Variants in CADPS2 observed in about 807,000 individuals in gnomAD.
CADPS2 encodes the protein calcium-dependent secretion activator 2.
A neutral mutation model predicts 172.5 loss-of-function variants in CADPS2; 93 were observed. The ratio of observed to expected loss-of-function variants is 0.54; its 90% CI spans 0.46 to 0.64. The LOEUF (loss-of-function observed/expected upper bound fraction) is 0.64, where lower values mean the gene tolerates loss of function less well. CADPS2 is among the 30% of genes least tolerant of loss of function. The pLI is 0.00. For synonymous variants in CADPS2, 546 were observed against 555.2 expected, an observed-to-expected ratio of 0.98 and a Z score of 0.23; for missense variants, 1,420 against 1,565.9, an observed-to-expected ratio of 0.91 and a Z score of 1.57.
intron 8 of CADPS2, among the ~76,000 whole-genome samples, chr7:122,534,793 A>G (rs1307779936): frequency 2.0e-5 from 3 of 152,126 alleles, no homozygotes; most frequent in Non-Finnish European, 4.4e-5. Context: ...TCTTATTTCA[A>G]TGAAATCAAT....
At chr7:122,544,765 T>C (rs1303642178) in intron 8 of CADPS2, among the ~76,000 whole-genome samples, 3 of 152,152 alleles carry the variant, frequency 2.0e-5, no homozygotes, top group Admixed American at 6.5e-5. Flanking sequence ...GCAAGCCACA[T>C]AGCCAAACCC....
chr7:122,449,222 C>A (rs1046161548), intron 15 of CADPS2, among the ~76,000 whole-genome samples: 1 of 151,884 alleles, frequency 6.6e-6, no homozygotes, highest in African/African-American at 2.4e-5. Flanking sequence ...TGGGTCTCAA[C>A]GGTAGCAAAA....
chr7:122,631,682 A>G (rs2134222560), intron 3 of CADPS2, among the ~76,000 whole-genome samples: 1 of 139,266 alleles, frequency 7.2e-6, no homozygotes, highest in East Asian at 2.3e-4. Flanking sequence ...CTGGGACACT[A>G]CATTGTCTTT....
intron 1 of CADPS2, among the ~76,000 whole-genome samples, chr7:122,769,464 C>A (rs2093648790): frequency 6.6e-6 from 1 of 152,010 alleles, no homozygotes; most frequent in African/African-American, 2.4e-5. Context: ...AAATACGTCA[C>A]CTACATCCCC....
chr7:122,525,969 T>C (rs1323466400), intron 8 of CADPS2, among the ~76,000 whole-genome samples: 1 of 152,084 alleles, frequency 6.6e-6, no homozygotes. Flanking sequence ...ATATATGCCA[T>C]CAGTCATTGA....
intron 7 of CADPS2, among the ~76,000 whole-genome samples, chr7:122,556,985 T>C: frequency 6.6e-6 from 1 of 152,216 alleles, no homozygotes; most frequent in Non-Finnish European, 1.5e-5. Flanking sequence ...CTATCATATG[T>C]ATATCTAATT....
At chr7:122,460,761 T>C (rs1454838944) in intron 14 of CADPS2, among the ~76,000 whole-genome samples, 1 of 151,832 alleles carries the variant, frequency 6.6e-6, no homozygotes, top group Non-Finnish European at 1.5e-5. Flanking sequence ...GAAAAAGATA[T>C]TCAGAAGTAA....
intron 8 of CADPS2, among the ~76,000 whole-genome samples, chr7:122,524,843 G>A (rs974471979): frequency 5.3e-5 from 8 of 151,994 alleles, no homozygotes; most frequent in African/African-American, 1.2e-4. Context: ...TTTTTACTAC[G>A]TATCTATAAA....
At chr7:122,351,084 G>A (rs1462489027) in intron 27 of CADPS2, among the ~76,000 whole-genome samples, 3 of 151,824 alleles carry the variant, frequency 2.0e-5, no homozygotes, top group African/African-American at 7.3e-5. Context: ...TGTTATTCCA[G>A]ACTGGGCGTG....
intron 6 of CADPS2, among the ~76,000 whole-genome samples, chr7:122,589,573 G>C (rs2070406651): frequency 6.6e-6 from 1 of 151,894 alleles, no homozygotes; most frequent in Non-Finnish European, 1.5e-5. Context: ...CAAAGACTCA[G>C]TGAAAAATGA....
chr7:122,428,464 TATATA>T (rs2049440935), intron 17 of CADPS2, among the ~76,000 whole-genome samples: 1 of 129,996 alleles, frequency 7.7e-6, no homozygotes, highest in African/African-American at 3.1e-5. Flanking sequence ...TATATATATA[TATATA>T]TATTTTTTTT....
intron 1 of CADPS2, among the ~76,000 whole-genome samples, chr7:122,744,655 A>G (rs565821211): frequency 6.6e-6 from 1 of 152,278 alleles, no homozygotes; most frequent in South Asian, 2.1e-4. Context: ...AAATTTATAA[A>G]CACCATATTA....
At chr7:122,704,456 G>A (rs551767114) in intron 2 of CADPS2, among the ~76,000 whole-genome samples, 3 of 151,628 alleles carry the variant, frequency 2.0e-5, no homozygotes, top group Non-Finnish European at 4.4e-5. Flanking sequence ...TCATATTAGA[G>A]GTAATTTGTT....
At chr7:122,755,999 A>G (rs2093144039) in intron 1 of CADPS2, among the ~76,000 whole-genome samples, 2 of 152,216 alleles carry the variant, frequency 1.3e-5, no homozygotes. Context: ...GAAAAGTGGG[A>G]TCAGAACATC....
chr7:122,836,060 A>G (rs1309753730), intron 1 of CADPS2, among the ~76,000 whole-genome samples: 1 of 152,236 alleles, frequency 6.6e-6, no homozygotes, highest in Admixed American at 6.5e-5. Flanking sequence ...AGGGAAGCAC[A>G]TCAGACTAAC....
intron 1 of CADPS2, among the ~76,000 whole-genome samples, chr7:122,803,825 G>A (rs1798167823): frequency 6.6e-6 from 1 of 152,078 alleles, no homozygotes. Flanking sequence ...TTACACTTAA[G>A]TCCTGTTAAG....
intron 7 of CADPS2, among the ~76,000 whole-genome samples, chr7:122,576,141 C>T (rs973854707): frequency 2.0e-5 from 3 of 152,072 alleles, no homozygotes; most frequent in African/African-American, 4.8e-5. Flanking sequence ...TTTTTTATGA[C>T]CTTGACAGTC....
chr7:122,673,344 C>T lies in CADPS2; in HGVS notation c.454-9775G>A, dbSNP rs536291339. Among the ~76,000 whole-genome samples, 54 of 152,272 alleles carry T rather than the reference C, an allele frequency of 3.5e-4. 1 individual carries two copies. The South Asian group carries it at 0.01, about 29-fold the overall frequency. On this transcript the variant is annotated intron_variant, in intron 2 of 29. Transcript: ENST00000449022. ...CCATTTTACAGAGAACTGATTGGTCCGTTTTGACAGGGTGCTCATTGGTGC... is the reference window on the plus strand; with the variant it reads ...CCATTTTACAGAGAACTGATTGGTCTGTTTTGACAGGGTGCTCATTGGTGC...
At chr7:122,474,678 C>T in intron 12 of CADPS2, 161 bp from the exon 13 acceptor site, 1 of 611,022 alleles carries the variant, frequency 1.6e-6, no homozygotes, top group Non-Finnish European at 2.7e-6. Context: ...AAATTGCAAA[C>T]TTTATGAAGC....
Sources: allele counts gnomAD v4.1 joint callset (sites outside exome capture counted in the v4.1 genomes callset), GRCh38; gene constraint gnomAD v4.1.1; transcripts MANE v1.5; gene names NCBI Gene and HGNC (gene_info 2026-07-23, HGNC 2026-07-21).